The following MYH10 variants were observed in gnomAD, a reference collection of about 807,000 sequenced individuals.
MYH10 encodes the protein myosin heavy chain 10.
In MYH10, 55 loss-of-function variants were observed where a neutral mutation model predicts 257.8. That is an observed-to-expected ratio of 0.21 (90% CI 0.17 to 0.27). The LOEUF is 0.27. Among genes scored for constraint, MYH10 ranks in the 10% least tolerant of loss-of-function variants. The pLI is 1.00. For synonymous variants in MYH10, 854 were observed against 921.7 expected (o/e 0.93, Z 1.33); for missense variants, 1,631 against 2,500.6 (o/e 0.65, Z 7.42).
chr17:8,614,122 T>C (rs941430439), intron 2 of MYH10, among the ~76,000 whole-genome samples: 17 of 152,098 alleles, frequency 1.1e-4, no homozygotes, highest in African/African-American at 3.9e-4. Context: ...ATAAAGTATA[T>C]GTATTTTTCA....
Position 8,569,203 on chromosome 17 carries a change from C to T in MYH10, c.756+517G>A, listed in dbSNP as rs946170339. Reference sequence around the variant, plus strand: ...TGCCACTGCACTCCAGGCTGGGTGACAGAGCAAGACCCTGTCTCAAAAAAA... The same window carrying T: ...TGCCACTGCACTCCAGGCTGGGTGATAGAGCAAGACCCTGTCTCAAAAAAA... On this transcript the variant is annotated intron_variant, in intron 7 of 42. Transcript: ENST00000360416. The surrounding 1 kb of genome is among the most constrained non-coding windows in gnomAD (Gnocchi z 4.1). Among the ~76,000 whole-genome samples the T allele has an allele frequency of 1.5e-5, 2 of 133,166 alleles. No individual in the cohort carries two copies. Among genetic ancestry groups the T allele is most frequent in the African/African-American group, 5.6e-5 (2 of 35,586 alleles). 87.4% of individuals were successfully genotyped at this position (133,166 alleles called of 152,430 possible). A position where few individuals can be genotyped will look rare whatever the true frequency, so the allele number is the denominator to read the frequency against.
chr17:8,618,171 A>G (rs1316549066), intron 2 of MYH10, among the ~76,000 whole-genome samples: 1 of 152,202 alleles, frequency 6.6e-6, no homozygotes, highest in Non-Finnish European at 1.5e-5. Context: ...AGAGAGAGGA[A>G]CGGTTTAACA....
At chr17:8,615,216 C>A (rs1747814220) in intron 2 of MYH10, among the ~76,000 whole-genome samples, 1 of 151,898 alleles carries the variant, frequency 6.6e-6, no homozygotes, top group East Asian at 1.9e-4. Flanking sequence ...GACTTCAAGG[C>A]TGCACGAGCT....
At chr17:8,572,855 T>A (rs1308119381) in intron 6 of MYH10, among the ~76,000 whole-genome samples, 1 of 152,186 alleles carries the variant, frequency 6.6e-6, no homozygotes, top group Non-Finnish European at 1.5e-5. Context: ...AAGCCAATTA[T>A]CATAACATAT....
intron 6 of MYH10, among the ~76,000 whole-genome samples, chr17:8,573,255 G>T (rs750852511): frequency 6.6e-6 from 1 of 152,172 alleles, no homozygotes; most frequent in Non-Finnish European, 1.5e-5. Context: ...AGTTCAGCCC[G>T]CAAGGGGACT....
intron 16 of MYH10, among the ~76,000 whole-genome samples, chr17:8,531,076 G>C (rs1168017348): frequency 6.6e-6 from 1 of 152,118 alleles, no homozygotes; most frequent in Non-Finnish European, 1.5e-5. Flanking sequence ...TATGGCGAAT[G>C]TAAGTATCAA....
In MYH10 at chr17:8,475,682, T is replaced by A; in HGVS notation, c.*122A>T. On this transcript the variant is annotated 3_prime_UTR_variant, in exon 43 of 43. Transcript: ENST00000360416. Reference sequence around the variant, plus strand: ...TACAGTATGCATAGGCTGGAGAGCCTTAAGACACAGTTGATCTTTCAGGAA... The same window carrying A: ...TACAGTATGCATAGGCTGGAGAGCCATAAGACACAGTTGATCTTTCAGGAA... The A allele has an allele frequency of 8.1e-7, 1 of 1,230,948 alleles. No homozygotes were observed. Among genetic ancestry groups the A allele is most frequent in the South Asian group, 1.4e-5 (1 of 70,834 alleles). The allele number at this position is 1,230,948 out of a possible 1,614,324, so 76.3% of individuals were successfully genotyped here.
intron 41 of MYH10, 152 bp downstream of exon 41, chr17:8,478,185 TG>T (rs1164255639): frequency 3.0e-6 from 2 of 663,500 alleles, no homozygotes; most frequent in African/African-American, 1.8e-5. Context: ...TCTCGGGTAC[TG>T]GGAGTGCCCA....
chr17:8,535,307 A>G lies in MYH10; in HGVS notation c.1894+80T>C, dbSNP rs2082111719. ...AGTAAGAAGTTATATGTATCCATAT[A>G]TATGTAAAAGAACCATCTATAAACC... is the stretch of plus-strand genomic sequence containing the variant. On this transcript the variant is annotated intron_variant, in intron 16 of 42. Coordinates refer to ENST00000360416, the MANE Select transcript of MYH10 (RefSeq NM_001256012.3). This position sits in a 1 kb window ranked among gnomAD's most constrained non-coding sequence, Gnocchi z 4.3. The G allele has an allele frequency of 2.0e-6, 2 of 1,009,974 alleles. No individual in the cohort carries two copies. The highest frequency in any genetic ancestry group is 1.6e-5 in the South Asian group (1 of 60,704). The allele number at this position is 1,009,974 out of a possible 1,614,324, so 62.6% of individuals were successfully genotyped here.
In MYH10 at chr17:8,534,351, C is replaced by T. The variant is rs563755313; in HGVS notation, c.1894+1036G>A. ...ATGTCTCAGGCCCACAGTCTGCTCC[C>T]AGGACGCATGCGTGCCTGTGTTCAG... On this transcript the variant is annotated intron_variant, in intron 16 of 42. Coordinates refer to ENST00000360416, the MANE Select transcript of MYH10 (RefSeq NM_001256012.3). Among the ~76,000 whole-genome samples, 3 of 152,338 alleles carry T rather than the reference C, an allele frequency of 2.0e-5. No individual in the cohort carries two copies. The South Asian group carries it at 6.2e-4, about 32-fold the overall frequency.
chr17:8,510,536 A>G (rs904990751), intron 24 of MYH10, among the ~76,000 whole-genome samples: 1 of 152,202 alleles, frequency 6.6e-6, no homozygotes, highest in Admixed American at 6.5e-5. Flanking sequence ...AGTTATTTAT[A>G]ATATTGAGTA....
chr17:8,495,214 G>A lies in MYH10; in HGVS notation c.3979C>T (p.Leu1327=), dbSNP rs1223008538. The A allele has an allele frequency of 1.9e-6, 3 of 1,612,516 alleles. No homozygotes were observed. The highest frequency in any genetic ancestry group is 2.7e-5 in the African/African-American group (2 of 74,894). ...ATACCCTTCTTCTCTGCTTCTTCCA[G>A]AAGGGTGGAGACATTATCTAGCTCA... ...QNELDNVSTL[L]EEAEKKGIKF... is the part of the protein sequence containing the mutation. Residue 1327 remains leucine, a synonymous_variant, in exon 31 of 43, where the codon CTG becomes TTG. Coordinates refer to ENST00000360416, the MANE Select transcript of MYH10 (RefSeq NM_001256012.3).
rs1275057482 is a variant in MYH10, at chr17:8,564,668, T to C, written c.756+5052A>G. 2.0e-5 allele frequency among the ~76,000 whole-genome samples: 3 copies of C among 152,220 alleles called. 1 individual carries two copies. In the South Asian group the frequency reaches 6.2e-4, roughly 32 times the overall value. ...GCCTGGAAGAGTGTATGGCACTTTG[T>C]AGTGTCTGCCACATTTTCAGTAAAT... On this transcript the variant is annotated intron_variant, in intron 7 of 42. Transcript: ENST00000360416.
At chr17:8,530,439 A>C (rs971666652) in intron 17 of MYH10, among the ~76,000 whole-genome samples, 184 bp downstream of exon 17, 2 of 152,178 alleles carry the variant, frequency 1.3e-5, no homozygotes, top group East Asian at 3.8e-4. Flanking sequence ...AGTATAATAA[A>C]ACTGAGCATG....
intron 30 of MYH10, among the ~76,000 whole-genome samples, chr17:8,495,969 A>T (rs762738917): frequency 1.3e-5 from 2 of 152,182 alleles, no homozygotes; most frequent in Non-Finnish European, 2.9e-5. Flanking sequence ...CCGGCCTCCC[A>T]AAGTGCTGGG....
rs1598004804 is a variant in MYH10 at position 8,623,169 on chromosome 17, A to G, written c.78T>C (p.Thr26=). The G allele has an allele frequency of 6.2e-7, 1 of 1,613,724 alleles. No individual in the cohort carries two copies. Among genetic ancestry groups the G allele is most frequent in the East Asian group, 2.2e-5 (1 of 44,880 alleles). ...VDRAVIYNPA[T]QADWTAKKLV... is the part of the protein sequence containing the mutation. ...GCTTTTTAGCTGTCCAATCAGCTTG[A>G]GTGGCAGGGTTGTAGATGACAGCCC... is the stretch of plus-strand genomic sequence containing the variant. Residue 26 remains threonine, a synonymous_variant, in exon 2 of 43, where the codon ACT becomes ACC. Transcript: ENST00000360416.
chr17:8,487,975 C>T (rs530244905), intron 35 of MYH10, among the ~76,000 whole-genome samples: 1 of 152,248 alleles, frequency 6.6e-6, no homozygotes, highest in Admixed American at 6.5e-5. Flanking sequence ...GTACAGAGGA[C>T]TAAGCAGGCA....
intron 32 of MYH10, 59 bp from the exon 33 acceptor site, chr17:8,493,083 G>A: frequency 1.3e-6 from 2 of 1,560,664 alleles, no homozygotes; most frequent in South Asian, 2.4e-5. Flanking sequence ...ATTGGGGCCA[G>A]GCATGGTGGC....
chr17:8,548,172 G>A, intron 11 of MYH10, 141 bp downstream of exon 11: 1 of 596,262 alleles, frequency 1.7e-6, no homozygotes, highest in Non-Finnish European at 2.9e-6. Flanking sequence ...GAACCCTCGT[G>A]TAAATACACG....
Sources: allele counts gnomAD v4.1 joint callset (sites outside exome capture counted in the v4.1 genomes callset), GRCh38; gene constraint gnomAD v4.1.1; non-coding constraint Gnocchi (gnomAD v3.1); transcripts MANE v1.5; gene names NCBI Gene and HGNC (gene_info 2026-07-23, HGNC 2026-07-21).